The following MNAT1 variants were observed in gnomAD, a reference collection of about 807,000 sequenced individuals.
MNAT1 encodes MNAT1 component of CDK activating kinase.
In MNAT1, 43 loss-of-function variants were observed where a neutral mutation model predicts 42.0. That is an observed-to-expected ratio of 1.02 (90% CI 0.80 to 1.32). MNAT1 has a LOEUF of 1.32. MNAT1 is among the 40% of genes most tolerant of loss of function. MNAT1 has a pLI of 0.00. For synonymous variants in MNAT1, 118 were observed against 120.0 expected (o/e 0.98, Z 0.11); for missense variants, 306 against 350.4 (o/e 0.87, Z 1.01).
chr14:60,956,987 A>G (rs1228484362), intron 7 of MNAT1, among the ~76,000 whole-genome samples: 1 of 152,146 alleles, frequency 6.6e-6, no homozygotes, highest in Non-Finnish European at 1.5e-5. Context: ...TTTACATTTA[A>G]AGTAATGATT....
At chr14:60,799,486 T>C in intron 3 of MNAT1, 2 of 809,360 alleles carry the variant, frequency 2.5e-6, no homozygotes, top group Non-Finnish European at 3.0e-6. Flanking sequence ...ATTCTAAAGG[T>C]AATGTGATTA....
intron 6 of MNAT1, among the ~76,000 whole-genome samples, chr14:60,870,941 T>G (rs2034312361): frequency 6.6e-6 from 1 of 152,200 alleles, no homozygotes; most frequent in African/African-American, 2.4e-5. Flanking sequence ...ATCTACTTTC[T>G]GTCTCTGTAA....
intron 7 of MNAT1, among the ~76,000 whole-genome samples, chr14:60,917,717 G>A (rs569376926): frequency 6.6e-6 from 1 of 151,756 alleles, no homozygotes; most frequent in South Asian, 2.1e-4. Flanking sequence ...CCACCTCCCG[G>A]GTTCAAGTGA....
intron 7 of MNAT1, among the ~76,000 whole-genome samples, chr14:60,929,340 G>T (rs541035124): frequency 1.3e-5 from 2 of 151,402 alleles, no homozygotes; most frequent in South Asian, 2.1e-4. Flanking sequence ...TTTTGGTGTT[G>T]TATCTAAGAC....
At chr14:60,865,276 T>C (rs937425529) in intron 6 of MNAT1, among the ~76,000 whole-genome samples, 3 of 152,120 alleles carry the variant, frequency 2.0e-5, no homozygotes, top group African/African-American at 2.4e-5. Flanking sequence ...TAGATAATTT[T>C]ATATAAAGCC....
At chr14:60,910,943 C>T (rs537375503) in intron 7 of MNAT1, among the ~76,000 whole-genome samples, 1 of 152,258 alleles carries the variant, frequency 6.6e-6, no homozygotes, top group South Asian at 2.1e-4. Flanking sequence ...GGCTGTGAAA[C>T]CATCTGGTCC....
At chr14:60,903,545 T>C (rs1345478121) in intron 7 of MNAT1, among the ~76,000 whole-genome samples, 1 of 152,210 alleles carries the variant, frequency 6.6e-6, no homozygotes, top group African/African-American at 2.4e-5. Context: ...TATTTTATTG[T>C]ATATTCCAAT....
intron 6 of MNAT1, among the ~76,000 whole-genome samples, chr14:60,869,867 G>C (rs2034291827): frequency 6.6e-6 from 1 of 151,964 alleles, no homozygotes; most frequent in African/African-American, 2.4e-5. Context: ...CTAAATGTGT[G>C]TTTCTATTTT....
intron 6 of MNAT1, among the ~76,000 whole-genome samples, chr14:60,854,254 T>G (rs760068920): frequency 2.0e-5 from 3 of 152,192 alleles, no homozygotes; most frequent in Non-Finnish European, 2.9e-5. Flanking sequence ...CGTGCTCCTT[T>G]AGCTCAGAGG....
intron 6 of MNAT1, among the ~76,000 whole-genome samples, chr14:60,866,956 G>T (rs974659413): frequency 6.6e-6 from 1 of 151,988 alleles, no homozygotes; most frequent in Admixed American, 6.6e-5. Context: ...ACATTTTTCT[G>T]TGTGGAACAC....
chr14:60,956,377 T>G (rs1254707153), intron 7 of MNAT1, among the ~76,000 whole-genome samples: 1 of 152,222 alleles, frequency 6.6e-6, no homozygotes, highest in Non-Finnish European at 1.5e-5. Flanking sequence ...CTCAATATGA[T>G]TTCAGTCTTA....
chr14:60,780,500 A>C (rs2031419197), intron 1 of MNAT1: 2 of 1,514,458 alleles, frequency 1.3e-6, no homozygotes, highest in East Asian at 4.5e-5. Flanking sequence ...ACCACAGTTT[A>C]TTACCAATTC....
At chr14:60,913,900 T>G (rs1369995829) in intron 7 of MNAT1, among the ~76,000 whole-genome samples, 2 of 152,178 alleles carry the variant, frequency 1.3e-5, no homozygotes. Context: ...GCTCTTTTGT[T>G]TGTCTGTGCC....
chr14:60,737,514 AATTT>A (rs1431283054), intron 1 of MNAT1, among the ~76,000 whole-genome samples: 1 of 152,076 alleles, frequency 6.6e-6, no homozygotes, highest in African/African-American at 2.4e-5. Flanking sequence ...GTTCAAATAT[AATTT>A]ATTTACCCCA....
intron 7 of MNAT1, among the ~76,000 whole-genome samples, chr14:60,910,508 T>A (rs1462871446): frequency 6.6e-6 from 1 of 152,240 alleles, no homozygotes; most frequent in Admixed American, 6.5e-5. Context: ...CATCAATACC[T>A]AATTTATTGA....
chr14:60,757,171 CTAACGGTGTATGGAG>C (rs1466972505), intron 1 of MNAT1, among the ~76,000 whole-genome samples: 1 of 152,094 alleles, frequency 6.6e-6, no homozygotes, highest in Non-Finnish European at 1.5e-5. Context: ...CTGTTTAAAA[CTAACGGTGTATGGAG>C]TAATTTATTT....
chr14:60,967,798 T>C (rs1011026301), intron 7 of MNAT1, among the ~76,000 whole-genome samples: 4 of 152,196 alleles, frequency 2.6e-5, no homozygotes, highest in African/African-American at 9.6e-5. Context: ...TGTTTAGCTA[T>C]TGAGGGTTTG....
chr14:60,787,898 C>G (rs139242736), intron 1 of MNAT1, among the ~76,000 whole-genome samples: 70 of 152,274 alleles, frequency 4.6e-4, no homozygotes, highest in African/African-American at 1.3e-3. Context: ...AAGTCAGACC[C>G]TGAAAGTCAT....
chr14:60,899,031 C>T (rs1005318674), intron 7 of MNAT1, among the ~76,000 whole-genome samples: 2 of 152,006 alleles, frequency 1.3e-5, no homozygotes, highest in Admixed American at 6.6e-5. Flanking sequence ...CCCCAGTGTA[C>T]GTACTTGGTA....
Sources: allele counts gnomAD v4.1 joint callset (sites outside exome capture counted in the v4.1 genomes callset), GRCh38; gene constraint gnomAD v4.1.1; transcripts MANE v1.5; gene names NCBI Gene and HGNC (gene_info 2026-07-23, HGNC 2026-07-21).